LONP2: variants seen among roughly 807,000 people sequenced by gnomAD.
LONP2 encodes the protein lon peptidase 2, peroxisomal.
Under a neutral mutation model 85.6 loss-of-function variants are expected in LONP2, and 60 were observed. The ratio of observed to expected loss-of-function variants is 0.70; its 90% confidence interval spans 0.57 to 0.87. The LOEUF (loss-of-function observed/expected upper bound fraction) is 0.87, where lower values mean the gene tolerates loss of function less well. Among genes scored for constraint, LONP2 ranks in the 40% least tolerant of loss-of-function variants. LONP2 has a pLI of 0.00. For missense variants in LONP2, 860 were observed against 1,063.5 expected (o/e 0.81, Z 2.66); for synonymous variants, 395 against 389.7 (o/e 1.01, Z -0.16).
intron 11 of LONP2, among the ~76,000 whole-genome samples, chr16:48,333,719 G>T (rs1458974467): frequency 6.6e-6 from 1 of 151,380 alleles, no homozygotes; most frequent in Non-Finnish European, 1.5e-5. Flanking sequence ...GAGGGGAGGG[G>T]ATACCTGATC....
chr16:48,276,814 G>A (rs184378063), intron 7 of LONP2, among the ~76,000 whole-genome samples: 97 of 152,220 alleles, frequency 6.4e-4, no homozygotes, highest in African/African-American at 2.3e-3. Context: ...GAAAATAAAA[G>A]AGATTGGAGT....
intron 8 of LONP2, among the ~76,000 whole-genome samples, chr16:48,280,269 A>G (rs1167345271): frequency 6.6e-6 from 1 of 152,164 alleles, no homozygotes; most frequent in Admixed American, 6.5e-5. Context: ...AGATTCTCCC[A>G]TTAGACACTT....
chr16:48,248,395 G>A (rs1470517463), intron 1 of LONP2, among the ~76,000 whole-genome samples: 9 of 151,660 alleles, frequency 5.9e-5, no homozygotes, highest in Non-Finnish European at 1.2e-4. Flanking sequence ...CAAAGTGCTG[G>A]GATTATAGGT....
chr16:48,306,791 T>C (rs1972921056), intron 11 of LONP2, among the ~76,000 whole-genome samples: 1 of 152,186 alleles, frequency 6.6e-6, no homozygotes, highest in South Asian at 2.1e-4. Flanking sequence ...AAATGGAGCT[T>C]AGTAATGAAA....
At chr16:48,289,394 C>T (rs1253471520) in intron 8 of LONP2, among the ~76,000 whole-genome samples, 3 of 152,128 alleles carry the variant, frequency 2.0e-5, no homozygotes, top group Non-Finnish European at 4.4e-5. Context: ...GCTTCCAGGT[C>T]ACAGGTAGAT....
chr16:48,275,447 C>T (rs1374101918), intron 7 of LONP2, among the ~76,000 whole-genome samples: 1 of 152,076 alleles, frequency 6.6e-6, no homozygotes, highest in Non-Finnish European at 1.5e-5. Flanking sequence ...TGCTCACTGG[C>T]TCTATAGAGG....
At chr16:48,250,518 C>T (rs1204331653) in intron 1 of LONP2, among the ~76,000 whole-genome samples, 4 of 151,990 alleles carry the variant, frequency 2.6e-5, no homozygotes, top group Non-Finnish European at 4.4e-5. Flanking sequence ...AACTCTTTAG[C>T]ATCACCTTTT....
chr16:48,295,872 G>A lies in LONP2; in HGVS notation c.1384-143G>A, dbSNP rs1972657243. The A allele has an allele frequency of 7.1e-6, 5 of 703,652 alleles. 1 individual carries two copies. Among genetic ancestry groups the A allele is most frequent in the Non-Finnish European group, 1.2e-5 (5 of 416,096 alleles). 43.6% of individuals were successfully genotyped at this position (703,652 alleles called of 1,614,324 possible). A position where few individuals can be genotyped will look rare whatever the true frequency, so the allele number is the denominator to read the frequency against. The stretch of plus-strand genomic sequence containing the variant: ...GAATGTAGAGAATGCAAATAATAAT[G>A]CTCAGATGTTAGTTTTGTCTGTTTC... On this transcript the variant is annotated intron_variant, in intron 8 of 14. Transcript: ENST00000285737.
At position 48,303,294 on chromosome 16, in the gene LONP2, C is replaced by G. The variant is rs761605688; in HGVS notation, c.1784C>G (p.Thr595Ser). 6.2e-7 allele frequency: 1 copy of G among 1,612,916 alleles called. No individual in the cohort carries two copies. Among genetic ancestry groups the G allele is most frequent in the East Asian group, 2.2e-5 (1 of 44,850 alleles). ...GCCAAGTTGGACCGTTCTGATGTGA[C>G]TGAGAGAGAAGGTTGGTGACCTTGT... is the stretch of plus-strand genomic sequence containing the variant. ...KEAKLDRSDV[T>S]EREGCREHIL... The change falls in exon 11 of 15, where the codon ACT (threonine) becomes AGT (serine). Residue 595 changes from threonine to serine, a missense_variant. Physicochemically the swap from Thr to Ser is moderately conservative, Grantham distance 58 (BLOSUM62 1). This residue lies in a region of LONP2 where 743 missense variants were observed against 917.3 expected (regional missense o/e 0.81). Transcript: ENST00000285737.
intron 2 of LONP2, among the ~76,000 whole-genome samples, chr16:48,254,969 C>T (rs995734546): frequency 3.3e-5 from 5 of 152,248 alleles, no homozygotes; most frequent in East Asian, 1.9e-4. Flanking sequence ...ACAGCTTCAT[C>T]GTAATTATAC....
chr16:48,331,072 C>A (rs773205889), intron 11 of LONP2, among the ~76,000 whole-genome samples: 3 of 152,212 alleles, frequency 2.0e-5, no homozygotes, highest in Non-Finnish European at 4.4e-5. Context: ...AAGCTTGTCA[C>A]AAAGCACCAC....
At chr16:48,303,709 A>C (rs1191009358) in intron 11 of LONP2, among the ~76,000 whole-genome samples, 1 of 152,206 alleles carries the variant, frequency 6.6e-6, no homozygotes, top group East Asian at 1.9e-4. Flanking sequence ...AAATCTCAAA[A>C]GTAGGGAAGC....
chr16:48,328,836 A>G (rs76379183), intron 11 of LONP2, among the ~76,000 whole-genome samples: 2,225 of 115,120 alleles, frequency 0.019, 33 homozygotes, highest in African/African-American at 0.049. Context: ...CAAAAAAAAA[A>G]GGGGGGGAGG....
At position 48,356,431 on chromosome 16, in the gene LONP2, G is replaced by C. The variant is rs1029037789; in HGVS notation, c.*4629G>C. ...ATGTAAACATCAAGTAGTTTTGGTT[G>C]TTTCAATGAAGTAACATGTTTAAGC... On this transcript the variant is annotated 3_prime_UTR_variant, in exon 15 of 15. Transcript: ENST00000285737. The C allele has an allele frequency of 6.9e-6, 1 of 145,488 alleles. No homozygotes were observed. The highest frequency in any genetic ancestry group is 2.6e-5 in the African/African-American group (1 of 39,070). 9.0% of individuals were successfully genotyped at this position (145,488 alleles called of 1,614,324 possible). A position where few individuals can be genotyped will look rare whatever the true frequency, so the allele number is the denominator to read the frequency against.
Position 48,362,562 on chromosome 16 carries a change from A to T in LONP2, c.*699A>T. ...TACTGAGCAAAAGAGGAAGAAAAAT[A>T]GGATTAAAAAAGATATTAAAAAAAT... On this transcript the variant is annotated 3_prime_UTR_variant, in exon 5 of 5. Coordinates refer to the LONP2 transcript ENST00000565867. This position sits in a 1 kb window ranked among gnomAD's most constrained non-coding sequence, Gnocchi z 4.2. 2 of 863,998 alleles carry T rather than the reference A, an allele frequency of 2.3e-6. No homozygotes were observed. Among genetic ancestry groups the T allele is most frequent in the Admixed American group, 5.8e-5 (2 of 34,760 alleles). 53.5% of individuals were successfully genotyped at this position (863,998 alleles called of 1,614,324 possible). A position where few individuals can be genotyped will look rare whatever the true frequency, so the allele number is the denominator to read the frequency against.
intron 6 of LONP2, among the ~76,000 whole-genome samples, chr16:48,268,246 TA>T (rs1427970169): frequency 1.3e-5 from 2 of 152,216 alleles, no homozygotes; most frequent in Non-Finnish European, 2.9e-5. Flanking sequence ...CACCTTTACT[TA>T]AAAGATTGAA....
At chr16:48,349,462 T>C (rs900694295) in intron 14 of LONP2, among the ~76,000 whole-genome samples, 1 of 152,014 alleles carries the variant, frequency 6.6e-6, no homozygotes, top group Non-Finnish European at 1.5e-5. Flanking sequence ...AGAACCTCCA[T>C]AGAACAAATG....
chr16:48,279,377 G>A (rs1471039987), intron 8 of LONP2, among the ~76,000 whole-genome samples: 1 of 152,102 alleles, frequency 6.6e-6, no homozygotes, highest in Non-Finnish European at 1.5e-5. Context: ...CTACTCAATA[G>A]CTTTAAGTCT....
chr16:48,309,811 CT>C (rs1162518754), intron 11 of LONP2, among the ~76,000 whole-genome samples: 1 of 151,890 alleles, frequency 6.6e-6, no homozygotes, highest in Non-Finnish European at 1.5e-5. Context: ...AAAAATGTAT[CT>C]TTTGTGGTTG....
Sources: allele counts gnomAD v4.1 joint callset (sites outside exome capture counted in the v4.1 genomes callset), GRCh38; gene constraint gnomAD v4.1.1; regional missense constraint gnomAD v4.1.1; non-coding constraint Gnocchi (gnomAD v3.1); transcripts MANE v1.5; gene names NCBI Gene and HGNC (gene_info 2026-07-23, HGNC 2026-07-21).